TBCB: variants seen among roughly 807,000 people sequenced by gnomAD.
The protein encoded by TBCB is tubulin folding cofactor B.
A neutral mutation model predicts 29.2 loss-of-function variants in TBCB; 18 were observed. That is an observed-to-expected ratio of 0.62 (90% CI 0.43 to 0.91). The LOEUF is 0.91. Ranked by LOEUF, TBCB falls within the 40% of genes least tolerant of loss-of-function variation. TBCB has a pLI of 0.00. For synonymous variants in TBCB, 172 were observed against 137.8 expected, an observed-to-expected ratio of 1.25 and a Z score of -1.74; for missense variants, 336 against 337.6, an observed-to-expected ratio of 1.00 and a Z score of 0.04.
At chr19:36,116,254 G>A (rs1973952637) in intron 2 of TBCB, 70 bp downstream of exon 2, 39 of 1,581,140 alleles carry the variant, frequency 2.5e-5, no homozygotes, top group Non-Finnish European at 3.3e-5. Context: ...ACACTTGCTG[G>A]GCTTTGCCCT....
At chr19:36,115,284 G>A, upstream of TBCB, 1 of 548,558 alleles carries the variant, frequency 1.8e-6, no homozygotes, top group Non-Finnish European at 3.2e-6. Flanking sequence ...TTCGCCGCCT[G>A]TTCTGGTCCT....
chr19:36,121,964 A>T (rs1974062358), intron 4 of TBCB: 4 of 591,000 alleles, frequency 6.8e-6, no homozygotes, highest in Non-Finnish European at 1.2e-5. Context: ...AGCAGAAGCC[A>T]GAGGCACGCG....
At chr19:36,115,200 G>A (rs1973923997), upstream of TBCB, 3 of 543,472 alleles carry the variant, frequency 5.5e-6, no homozygotes, top group Non-Finnish European at 6.5e-6. Context: ...TTGGTTGAAG[G>A]CCAGTGCGCA....
At chr19:36,124,410 A>G (rs1357090675) in intron 4 of TBCB, among the ~76,000 whole-genome samples, 1 of 151,342 alleles carries the variant, frequency 6.6e-6, no homozygotes, top group Non-Finnish European at 1.5e-5. Flanking sequence ...TAGTAGAGAC[A>G]GGGTTTTGCC....
At chr19:36,119,591 A>G (rs1417424407) in intron 2 of TBCB, among the ~76,000 whole-genome samples, 1 of 152,170 alleles carries the variant, frequency 6.6e-6, no homozygotes, top group East Asian at 1.9e-4. Flanking sequence ...CGCTCCAGAT[A>G]AAAACCAAAG....
intron 2 of TBCB, among the ~76,000 whole-genome samples, chr19:36,118,278 G>T (rs909137946): frequency 6.6e-6 from 1 of 152,220 alleles, no homozygotes; most frequent in African/African-American, 2.4e-5. Flanking sequence ...TGAAGGGTCA[G>T]GGGAGACAAG....
At chr19:36,121,264 G>A (rs574083436) in intron 3 of TBCB, among the ~76,000 whole-genome samples, 1 of 152,088 alleles carries the variant, frequency 6.6e-6, no homozygotes, top group East Asian at 1.9e-4. Context: ...GATGAAGGCA[G>A]ATGTGCGCTG....
intron 1 of TBCB, 88 bp from the exon 2 acceptor site, chr19:36,115,953 T>C (rs1027216523): frequency 9.1e-6 from 14 of 1,546,228 alleles, no homozygotes; most frequent in Non-Finnish European, 1.2e-5. Flanking sequence ...GGGGGTCTTT[T>C]GGAGGAAAAG....
rs570915178 is a variant in TBCB, at chr19:36,118,861, C to A, written c.259-1849C>A. Among the ~76,000 whole-genome samples the A allele has an allele frequency of 2.6e-5, 4 of 152,156 alleles. No individual in the cohort carries two copies. The South Asian group carries it at 8.3e-4, about 32-fold the overall frequency. Reference sequence around the variant, plus strand: ...CTGACCTGGCTCAGGTGTTCACAGGCCCCCTCTGGCTGTGTGTGGGGAACA... The same window carrying A: ...CTGACCTGGCTCAGGTGTTCACAGGACCCCTCTGGCTGTGTGTGGGGAACA... On this transcript the variant is annotated intron_variant, in intron 2 of 5. Coordinates refer to ENST00000221855, the MANE Select transcript of TBCB (RefSeq NM_001281.3).
chr19:36,120,491 G>A, intron 2 of TBCB: 2 of 551,410 alleles, frequency 3.6e-6, no homozygotes, highest in Non-Finnish European at 6.5e-6. Flanking sequence ...GGGGACAGAG[G>A]CAGCCTCTGG....
chr19:36,115,141 G>A, upstream of TBCB: 1 of 571,972 alleles, frequency 1.7e-6, no homozygotes, highest in Non-Finnish European at 3.1e-6. Context: ...GATGCGCATC[G>A]TAAACCGCAA....
chr19:36,121,840 G>A (rs1204228924), intron 4 of TBCB, 122 bp downstream of exon 4: 6 of 1,258,114 alleles, frequency 4.8e-6, no homozygotes, highest in East Asian at 2.5e-5. Context: ...GGGGGGACTC[G>A]AAACGATCTC....
In TBCB at chr19:36,120,557, C is replaced by T. The variant is rs1272979132; in HGVS notation, c.259-153C>T. 1.8e-5 allele frequency: 11 copies of T among 618,626 alleles called. No homozygotes were observed. In the Admixed American group the frequency reaches 2.6e-4, roughly 14 times the overall value. The allele number at this position is 618,626 out of a possible 1,614,324, so 38.3% of individuals were successfully genotyped here. On this transcript the variant is annotated intron_variant, in intron 2 of 5. Coordinates refer to ENST00000221855, the MANE Select transcript of TBCB (RefSeq NM_001281.3). ...GGCCAGTGTACGTAGCTACTTCTCC[C>T]TTCCGCTGGGCTCAGGAGAGAAGAG... is the stretch of plus-strand genomic sequence containing the variant.
intron 2 of TBCB, chr19:36,120,387 G>T: frequency 2.8e-6 from 1 of 361,624 alleles, no homozygotes. Context: ...GATGCGCTGT[G>T]CACAGGGCTG....
chr19:36,121,672 G>A lies in TBCB; in HGVS notation c.501G>A (p.Val167=). ...SSIPVGSRCE[V]RAAGQSPRRG... ...TCCCCGTGGGCAGCCGCTGTGAGGT[G>A]CGGGCGGCGGGACAATCCCCTCGCC... The change falls in exon 4 of 6, where the codon GTG becomes GTA. Residue 167 remains valine (V), a synonymous_variant. Coordinates refer to ENST00000221855, the MANE Select transcript of TBCB (RefSeq NM_001281.3). 6.4e-7 allele frequency: 1 copy of A among 1,561,944 alleles called. No homozygotes were observed. Among genetic ancestry groups the A allele is most frequent in the Non-Finnish European group, 8.7e-7 (1 of 1,154,436 alleles).
intron 2 of TBCB, among the ~76,000 whole-genome samples, chr19:36,119,470 C>T (rs558351115): frequency 2.6e-4 from 39 of 152,318 alleles, no homozygotes; most frequent in Admixed American, 4.6e-4. Context: ...CTCGCCATCC[C>T]GGCAGCTTCC....
rs149169812 is a variant in TBCB, at chr19:36,119,721, G to A, written c.259-989G>A. On this transcript the variant is annotated intron_variant, in intron 2 of 5. Coordinates refer to ENST00000221855, the MANE Select transcript of TBCB (RefSeq NM_001281.3). The stretch of plus-strand genomic sequence containing the variant: ...AGCCTGACCAGCATGGCAAAATGTC[G>A]TCTCTACTTAAAAATACAAAAATTA... 1.4e-3 allele frequency among the ~76,000 whole-genome samples: 217 copies of A among 152,116 alleles called. 1 individual carries two copies. The highest frequency in any genetic ancestry group is 4.9e-3 in the African/African-American group (204 of 41,502).
At chr19:36,121,454 C>A in intron 3 of TBCB, 73 bp from the exon 4 acceptor site, 1 of 1,468,784 alleles carries the variant, frequency 6.8e-7, no homozygotes, top group Non-Finnish European at 9.0e-7. Flanking sequence ...GAACGTGGGC[C>A]CCTCGTGGGT....
At chr19:36,117,215 G>A (rs1280050745) in intron 2 of TBCB, among the ~76,000 whole-genome samples, 1 of 152,140 alleles carries the variant, frequency 6.6e-6, no homozygotes, top group East Asian at 1.9e-4. Flanking sequence ...CTCTCATCTG[G>A]TTTATTTACT....
Sources: gnomAD v4.1 joint callset for allele counts (sites outside exome capture counted in the v4.1 genomes callset) on GRCh38, gnomAD v4.1.1 for gene constraint, MANE v1.5 for transcripts, NCBI Gene and HGNC (gene_info 2026-07-23, HGNC 2026-07-21) for gene names.